The following CDC37L1 variants were observed in gnomAD, a reference collection of about 807,000 sequenced individuals.
CDC37L1 encodes cell division cycle 37 like 1, HSP90 cochaperone.
A neutral mutation model predicts 45.9 loss-of-function variants in CDC37L1; 32 were observed. That is an observed-to-expected ratio of 0.70 (90% CI 0.53 to 0.94). CDC37L1 has a LOEUF of 0.94. Among genes scored for constraint, CDC37L1 ranks in the 40% least tolerant of loss-of-function variants. The probability of loss-of-function intolerance (pLI) is 0.00; values close to 1 mark genes in which losing one functional copy is unlikely to be tolerated. For synonymous variants in CDC37L1, 150 were observed against 133.0 expected (o/e 1.13, Z -0.88); for missense variants, 434 against 405.7 (o/e 1.07, Z -0.60).
intron 6 of CDC37L1, among the ~76,000 whole-genome samples, chr9:4,702,797 G>A (rs927218897): frequency 2.7e-5 from 4 of 148,306 alleles, no homozygotes; most frequent in African/African-American, 1.0e-4. Flanking sequence ...GCTGAGGCAG[G>A]AGAATGGCGT....
At chr9:4,703,050 G>C (rs1449489427) in intron 6 of CDC37L1, 5 of 1,529,230 alleles carry the variant, frequency 3.3e-6, no homozygotes, top group South Asian at 1.2e-5. Context: ...TTTACTAGTA[G>C]CACTTTAATA....
At chr9:4,686,515 C>T (rs1788203140) in intron 2 of CDC37L1, among the ~76,000 whole-genome samples, 1 of 151,932 alleles carries the variant, frequency 6.6e-6, no homozygotes, top group African/African-American at 2.4e-5. Context: ...TTTTTTCTTC[C>T]AGAAGGAATG....
At position 4,708,197 on chromosome 9, in the gene CDC37L1, C is replaced by T. The variant is rs1244589563; in HGVS notation, c.*2085C>T. The T allele has an allele frequency of 4.6e-5, 7 of 151,784 alleles. No individual in the cohort carries two copies. Among genetic ancestry groups the T allele is most frequent in the African/African-American group, 1.7e-4 (7 of 41,328 alleles). The allele number at this position is 151,784 out of a possible 1,614,324, so 9.4% of individuals were successfully genotyped here. ...TTGACATCCTTGAACTAATTCCTAC[C>T]TTTTTTTTGTTTCTGAAGAAATAAA... On this transcript the variant is annotated 3_prime_UTR_variant, in exon 7 of 7. Coordinates refer to ENST00000381854, the MANE Select transcript of CDC37L1 (RefSeq NM_017913.4).
At chr9:4,681,222 A>G (rs1338158063) in intron 1 of CDC37L1, among the ~76,000 whole-genome samples, 1 of 152,274 alleles carries the variant, frequency 6.6e-6, no homozygotes, top group Non-Finnish European at 1.5e-5. Context: ...GTTGAATTAC[A>G]GAAGTAATCT....
chr9:4,704,640 A>AT (rs1841427057), intron 6 of CDC37L1, among the ~76,000 whole-genome samples: 1 of 152,292 alleles, frequency 6.6e-6, no homozygotes, highest in Admixed American at 6.5e-5. Flanking sequence ...AAAAGGTCTT[A>AT]AAGCTGTTTT....
intron 3 of CDC37L1, among the ~76,000 whole-genome samples, chr9:4,689,607 T>C (rs1841283091): frequency 6.6e-6 from 1 of 152,122 alleles, no homozygotes; most frequent in Non-Finnish European, 1.5e-5. Context: ...TAAAAAATAG[T>C]ACCCAAGGAA....
intron 1 of CDC37L1, among the ~76,000 whole-genome samples, chr9:4,682,667 T>A (rs1841206324): frequency 6.6e-6 from 1 of 151,386 alleles, no homozygotes. Context: ...GAAACGGGGT[T>A]TCGCCATGTT....
Position 4,679,781 on chromosome 9 carries a change from G to A in CDC37L1, c.14G>A (p.Trp5Ter). MEQP[W>*]PPPGPWSLPR... ...GAGCAGCCGGACATGGAACAACCGT[G>A]GCCGCCTCCGGGACCCTGGAGCCTC... Residue 5 changes from tryptophan (W) to a stop codon, truncating the protein, a stop_gained, in exon 1 of 7, where the codon TGG becomes TAG. Coordinates refer to ENST00000381854, the MANE Select transcript of CDC37L1 (RefSeq NM_017913.4). LOFTEE classifies it high-confidence loss of function. 6.2e-7 allele frequency: 1 copy of A among 1,612,856 alleles called. No individual in the cohort carries two copies. Among genetic ancestry groups the A allele is most frequent in the Non-Finnish European group, 8.5e-7 (1 of 1,179,444 alleles).
chr9:4,683,082 TTATA>T (rs1363326839), intron 1 of CDC37L1, among the ~76,000 whole-genome samples: 1 of 143,750 alleles, frequency 7.0e-6, no homozygotes, highest in South Asian at 2.1e-4. Flanking sequence ...TTTATATATT[TTATA>T]TATATATTTT....
chr9:4,685,380 A>G, intron 2 of CDC37L1: 1 of 432,486 alleles, frequency 2.3e-6, no homozygotes, highest in South Asian at 3.1e-5. Context: ...TGAAATACAT[A>G]TTTATATAAA....
At chr9:4,681,471 C>G (rs1385455) in intron 1 of CDC37L1, among the ~76,000 whole-genome samples, 14,547 of 152,040 alleles carry the variant, frequency 0.096, 1,100 homozygotes, top group East Asian at 0.36. Flanking sequence ...ATGGAGAAAC[C>G]CTGTCTCTAC....
chr9:4,696,634 A>G (rs977321844), intron 3 of CDC37L1, among the ~76,000 whole-genome samples: 2 of 152,252 alleles, frequency 1.3e-5, no homozygotes, highest in African/African-American at 2.4e-5. Context: ...ATAAAGGTGT[A>G]GATATAACTT....
chr9:4,685,584 A>T (rs118161685), intron 2 of CDC37L1: 1 of 159,262 alleles, frequency 6.3e-6, no homozygotes, highest in African/African-American at 2.4e-5. Flanking sequence ...GTGGAAAAAT[A>T]AGTAGAGTGA....
chr9:4,681,476 C>G (rs1461088055), intron 1 of CDC37L1, among the ~76,000 whole-genome samples: 2 of 152,124 alleles, frequency 1.3e-5, no homozygotes, highest in African/African-American at 4.8e-5. Context: ...GAAACCCTGT[C>G]TCTACCAAAA....
rs116303020 is a variant in CDC37L1, at chr9:4,693,084, A to T, written c.509-4012A>T. Among the ~76,000 whole-genome samples the T allele has an allele frequency of 9.5e-3, 1,447 of 152,304 alleles. 21 individuals are homozygous for T. The highest frequency in any genetic ancestry group is 0.033 in the African/African-American group (1,391 of 41,554). ...TCATACAACTTTCCTCAAGTAATTCACAAACTACCTGGGAGATTTTTAGTA... is the reference window on the plus strand; with the variant it reads ...TCATACAACTTTCCTCAAGTAATTCTCAAACTACCTGGGAGATTTTTAGTA... On this transcript the variant is annotated intron_variant, in intron 3 of 6. Coordinates refer to ENST00000381854, the MANE Select transcript of CDC37L1 (RefSeq NM_017913.4).
chr9:4,689,438 A>G (rs1841281203), intron 3 of CDC37L1, among the ~76,000 whole-genome samples: 1 of 150,876 alleles, frequency 6.6e-6, no homozygotes, highest in Non-Finnish European at 1.5e-5. Flanking sequence ...GTTGGTGTTT[A>G]TTTACCCAAC....
intron 2 of CDC37L1, among the ~76,000 whole-genome samples, chr9:4,686,183 C>G (rs1271081413): frequency 6.6e-6 from 1 of 152,076 alleles, no homozygotes; most frequent in Non-Finnish European, 1.5e-5. Context: ...TCTTAATTGT[C>G]CTCTTGGCAT....
chr9:4,690,854 A>G (rs963867969), intron 3 of CDC37L1, among the ~76,000 whole-genome samples: 3 of 152,252 alleles, frequency 2.0e-5, no homozygotes, highest in African/African-American at 7.2e-5. Flanking sequence ...TAGGCTCTCA[A>G]AATGTTCATG....
At chr9:4,697,695 A>G (rs1841360897) in intron 4 of CDC37L1, 62 bp from the exon 5 acceptor site, 1 of 797,682 alleles carries the variant, frequency 1.3e-6, no homozygotes, top group Non-Finnish European at 2.0e-6. Flanking sequence ...CAAAATTTGA[A>G]TCAGTATGCC....
Sources: gnomAD v4.1 joint callset for allele counts (sites outside exome capture counted in the v4.1 genomes callset) on GRCh38, gnomAD v4.1.1 for gene constraint, MANE v1.5 for transcripts, NCBI Gene and HGNC (gene_info 2026-07-23, HGNC 2026-07-21) for gene names.